AQR: variants seen among roughly 807,000 people sequenced by gnomAD.
AQR encodes the protein RNA helicase aquarius.
AQR carries 61 observed loss-of-function variants against 180.5 expected under a neutral mutation model. The observed-to-expected ratio is 0.34, with a 90% CI of 0.28 to 0.42. The LOEUF is 0.42. AQR is among the 10% of genes least tolerant of loss of function. The pLI is 1.00. For synonymous variants in AQR, 551 were observed against 588.8 expected, an observed-to-expected ratio of 0.94 and a Z score of 0.93; for missense variants, 1,281 against 1,798.3, an observed-to-expected ratio of 0.71 and a Z score of 5.20.
Position 34,897,720 on chromosome 15 carries a change from C to CTTCTGTTCATTTTTGCAA in AQR, c.2244-33_2244-16dup, listed in dbSNP as rs1893270339. ...GAAAAGTTATCCTACAAGACCAAAA[C>CTTCTGTTCATTTTTGCAA]TTCTGTTCATTTTTGCAATTAACAA... On this transcript the variant is annotated splice_polypyrimidine_tract_variant and intron_variant, in intron 20 of 34. Coordinates refer to ENST00000156471, the MANE Select transcript of AQR (RefSeq NM_014691.3). 6.2e-7 allele frequency: 1 copy of CTTCTGTTCATTTTTGCAA among 1,612,918 alleles called. No homozygotes were observed. Among genetic ancestry groups the CTTCTGTTCATTTTTGCAA allele is most frequent in the Non-Finnish European group, 8.5e-7 (1 of 1,179,672 alleles).
Position 34,873,996 on chromosome 15 carries a change from C to T in AQR, c.3429G>A (p.Leu1143=). The change falls in exon 30 of 35, where the codon TTG becomes TTA. Residue 1143 remains leucine (L), a synonymous_variant. Coordinates refer to ENST00000156471, the MANE Select transcript of AQR (RefSeq NM_014691.3). The part of the protein sequence containing the change: ...LDAQGRARAS[L]CNLYNWRYKN... ...TGTATCGCCAGTTGTAGAGGTTGCA[C>T]AAGCTTTCCAAAGACAAATTCCCCC... 3 of 1,589,906 alleles carry T rather than the reference C, an allele frequency of 1.9e-6. No homozygotes were observed. Among genetic ancestry groups the T allele is most frequent in the Non-Finnish European group, 2.6e-6 (3 of 1,167,950 alleles).
Position 34,856,756 on chromosome 15 carries a change from A to C in AQR, c.*36T>G, listed in dbSNP as rs1474263295. On this transcript the variant is annotated 3_prime_UTR_variant, in exon 35 of 35. Coordinates refer to ENST00000156471, the MANE Select transcript of AQR (RefSeq NM_014691.3). Reference sequence around the variant, plus strand: ...AAAACAGCTTTACTCAGACTTTTTGACTGCCATGTCCTCCTTTAGAAGGAC... The same window carrying C: ...AAAACAGCTTTACTCAGACTTTTTGCCTGCCATGTCCTCCTTTAGAAGGAC... 5.6e-6 allele frequency: 8 copies of C among 1,437,210 alleles called. No individual in the cohort carries two copies. In the Admixed American group the frequency reaches 2.1e-4, roughly 37 times the overall value. 89.0% of individuals were successfully genotyped at this position (1,437,210 alleles called of 1,614,324 possible). A position where few individuals can be genotyped will look rare whatever the true frequency, so the allele number is the denominator to read the frequency against.
chr15:34,960,765 C>A lies in AQR; in HGVS notation c.173+9G>T. The stretch of plus-strand genomic sequence containing the variant: ...AATCACATTGTATAAAATTTAAATT[C>A]ATTCCTACCTTGATTTGACAATCTC... On this transcript the variant is annotated intron_variant, in intron 3 of 34. Coordinates refer to ENST00000156471, the MANE Select transcript of AQR (RefSeq NM_014691.3). 1 of 904,952 alleles carries A rather than the reference C, an allele frequency of 1.1e-6. No individual in the cohort carries two copies. The highest frequency in any genetic ancestry group is 1.7e-6 in the Non-Finnish European group (1 of 586,832). The allele number at this position is 904,952 out of a possible 1,614,324, so 56.1% of individuals were successfully genotyped here.
intron 2 of AQR, among the ~76,000 whole-genome samples, chr15:34,963,260 T>C (rs1247180388): frequency 6.6e-6 from 1 of 152,204 alleles, no homozygotes; most frequent in African/African-American, 2.4e-5. Context: ...ATTATACGCA[T>C]GAGCCACCAC....
intron 10 of AQR, among the ~76,000 whole-genome samples, chr15:34,932,847 C>G (rs183938037): frequency 3.3e-5 from 5 of 151,852 alleles, no homozygotes; most frequent in Non-Finnish European, 7.4e-5. Context: ...CCCAGCTACT[C>G]GGGAAGCTGA....
At chr15:34,956,036 T>TA (rs957938942) in intron 3 of AQR, among the ~76,000 whole-genome samples, 11 of 151,878 alleles carry the variant, frequency 7.2e-5, no homozygotes, top group Non-Finnish European at 1.5e-4. Flanking sequence ...ATTATAATGA[T>TA]AAAAAAAAGA....
At chr15:34,905,120 G>A (rs376286148) in intron 18 of AQR, among the ~76,000 whole-genome samples, 9 of 137,814 alleles carry the variant, frequency 6.5e-5, no homozygotes, top group Non-Finnish European at 1.6e-5. Flanking sequence ...GGAAGGGGGG[G>A]TCTTAGACCT....
At chr15:34,941,906 G>A (rs1348670845) in intron 7 of AQR, 106 bp downstream of exon 7, 4 of 741,382 alleles carry the variant, frequency 5.4e-6, no homozygotes, top group Non-Finnish European at 7.9e-6. Flanking sequence ...TCTAAGAAAA[G>A]GGGTATTTAG....
At chr15:34,883,793 G>A (rs532132269) in intron 26 of AQR, among the ~76,000 whole-genome samples, 1 of 152,098 alleles carries the variant, frequency 6.6e-6, no homozygotes, top group African/African-American at 2.4e-5. Context: ...CAATGATGTG[G>A]CAAAAACTAG....
intron 14 of AQR, among the ~76,000 whole-genome samples, chr15:34,920,097 T>C (rs1048150394): frequency 2.6e-5 from 4 of 152,152 alleles, no homozygotes; most frequent in African/African-American, 9.7e-5. Flanking sequence ...ATATAAATAG[T>C]TGCTAATAGA....
intron 1 of AQR, among the ~76,000 whole-genome samples, chr15:34,966,200 T>C (rs1185792173): frequency 6.6e-6 from 1 of 152,094 alleles, no homozygotes; most frequent in Non-Finnish European, 1.5e-5. Context: ...AAAAGTGAGG[T>C]CACAAAGTTC....
At position 34,890,375 on chromosome 15, in the gene AQR, T is replaced by C. The variant is rs755688133; in HGVS notation, c.2572-51A>G. On this transcript the variant is annotated intron_variant, in intron 23 of 34. Transcript: ENST00000156471. ...CGGCACCTTTAAACGTAGCAAAAAC[T>C]AACATTTAGAAAGAATCAAAGTTGA... is the stretch of plus-strand genomic sequence containing the variant. 1.6e-5 allele frequency: 23 copies of C among 1,462,130 alleles called. No homozygotes were observed. In the African/African-American group the frequency reaches 3.3e-4, roughly 21 times the overall value. 90.6% of individuals were successfully genotyped at this position (1,462,130 alleles called of 1,614,324 possible).
chr15:34,957,642 G>A (rs866695399), intron 3 of AQR, among the ~76,000 whole-genome samples: 6 of 149,654 alleles, frequency 4.0e-5, no homozygotes, highest in East Asian at 2.0e-4. Flanking sequence ...TGGAGGTTGC[G>A]GTGAGCCGAG....
Position 34,969,618 on chromosome 15 carries a change from G to GCA in AQR, c.-7_-6dup, listed in dbSNP as rs2050333159. On this transcript the variant is annotated 5_prime_UTR_variant, in exon 1 of 35. Transcript: ENST00000156471. Reference sequence around the variant, plus strand: ...GGGCTGCGCAGGGGCTGCCATGGCAGCACTCTTCCCTCCACTCCAGTGGAA... The same window carrying GCA: ...GGGCTGCGCAGGGGCTGCCATGGCAGCACACTCTTCCCTCCACTCCAGTGGAA... The GCA allele has an allele frequency of 6.2e-7, 1 of 1,612,626 alleles. No individual in the cohort carries two copies. The highest frequency in any genetic ancestry group is 1.7e-5 in the Admixed American group (1 of 59,968).
At chr15:34,948,208 T>C in intron 5 of AQR, 56 bp downstream of exon 5, 1 of 1,573,796 alleles carries the variant, frequency 6.4e-7, no homozygotes, top group Non-Finnish European at 8.6e-7. Flanking sequence ...TTCTGCCACT[T>C]TGTAATGGCT....
intron 19 of AQR, 151 bp downstream of exon 19, chr15:34,904,185 A>G (rs917511085): frequency 2.1e-4 from 93 of 447,502 alleles, no homozygotes; most frequent in African/African-American, 1.6e-3. Context: ...TCATTTTGTT[A>G]AAAGTTTAAG....
intron 22 of AQR, among the ~76,000 whole-genome samples, chr15:34,896,183 T>C (rs1182437603): frequency 6.6e-6 from 1 of 152,152 alleles, no homozygotes; most frequent in Non-Finnish European, 1.5e-5. Flanking sequence ...GCAATCTCTG[T>C]TGCAAGTACT....
In AQR at chr15:34,853,365, ATAGATGATT is replaced by A. The variant is rs1443752334; in HGVS notation, c.*3418_*3426del. 1 of 152,166 alleles carries A rather than the reference ATAGATGATT, an allele frequency of 6.6e-6. No individual in the cohort carries two copies. Among genetic ancestry groups the A allele is most frequent in the African/African-American group, 2.4e-5 (1 of 41,422 alleles). The allele number at this position is 152,166 out of a possible 1,614,324, so 9.4% of individuals were successfully genotyped here. A position where few individuals can be genotyped will look rare whatever the true frequency, so the allele number is the denominator to read the frequency against. ...CACAAAGCTAAGCACATGCAACAAT[ATAGATGATT>A]TGGGGGTGGGACAGTACAGAATTCA... On this transcript the variant is annotated 3_prime_UTR_variant, in exon 35 of 35. Coordinates refer to ENST00000156471, the MANE Select transcript of AQR (RefSeq NM_014691.3).
Position 34,910,155 on chromosome 15 carries a change from T to C in AQR, c.1643A>G (p.His548Arg), listed in dbSNP as rs1893477498. 1 of 1,614,242 alleles carries C rather than the reference T, an allele frequency of 6.2e-7. No individual in the cohort carries two copies. Among genetic ancestry groups the C allele is most frequent in the Non-Finnish European group, 8.5e-7 (1 of 1,180,030 alleles). ...DVTINLNVRD[H>R]IKDEWEGLRK... ...CTTACCTTCCCATTCATCTTTGATG[T>C]GATCTCTGACATTGAGATTTATGGT... The change falls in exon 17 of 35, where the codon CAC (histidine) becomes CGC (arginine). Residue 548 changes from histidine (H) to arginine (R), a missense_variant. Coordinates refer to ENST00000156471, the MANE Select transcript of AQR (RefSeq NM_014691.3).
Sources: allele counts gnomAD v4.1 joint callset (sites outside exome capture counted in the v4.1 genomes callset), GRCh38; gene constraint gnomAD v4.1.1; transcripts MANE v1.5; gene names NCBI Gene and HGNC (gene_info 2026-07-23, HGNC 2026-07-21).